Variants in LRRTM4 observed in about 807,000 individuals in gnomAD.
The protein encoded by LRRTM4 is leucine-rich repeat transmembrane neuronal protein 4.
Under a neutral mutation model 47.6 loss-of-function variants are expected in LRRTM4, and 25 were observed. That is an observed-to-expected ratio of 0.53 (90% CI 0.38 to 0.73). The LOEUF is 0.73. Among genes scored for constraint, LRRTM4 ranks in the 30% least tolerant of loss-of-function variants. The pLI is 0.00. For synonymous variants in LRRTM4, 311 were observed against 269.5 expected (o/e 1.15, Z -1.51); for missense variants, 638 against 713.4 (o/e 0.89, Z 1.20).
chr2:77,218,989 G>A (rs1241326294), intron 3 of LRRTM4, among the ~76,000 whole-genome samples: 4 of 152,234 alleles, frequency 2.6e-5, no homozygotes, highest in African/African-American at 9.6e-5. Flanking sequence ...GGCGCTGCCA[G>A]AGTACACTGG....
At chr2:77,048,439 T>A (rs1679305124) in intron 3 of LRRTM4, among the ~76,000 whole-genome samples, 1 of 152,080 alleles carries the variant, frequency 6.6e-6, no homozygotes, top group Non-Finnish European at 1.5e-5. Flanking sequence ...AAAGTCAATT[T>A]GTGTTACAGC....
At chr2:76,835,416 T>C (rs1671481564) in intron 3 of LRRTM4, among the ~76,000 whole-genome samples, 1 of 152,088 alleles carries the variant, frequency 6.6e-6, no homozygotes, top group Non-Finnish European at 1.5e-5. Context: ...AAATCAATGG[T>C]GAATAGTAAG....
Position 77,016,383 on chromosome 2 carries a change from T to TAAA in LRRTM4, c.1552-267470_1552-267468dup, listed in dbSNP as rs75200969. Among the ~76,000 whole-genome samples the TAAA allele has an allele frequency of 2.4e-3, 325 of 133,422 alleles. 3 individuals are homozygous for TAAA. Among genetic ancestry groups the TAAA allele is most frequent in the East Asian group, 0.016 (71 of 4,568 alleles). The allele number at this position is 133,422 out of a possible 152,430, so 87.5% of individuals were successfully genotyped here. Reference sequence around the variant, plus strand: ...CTGGCGACAGAGGGAGAACTCCATTTAAAAAAAAAAAAAAAAAGAGTGAGG... The same window carrying TAAA: ...CTGGCGACAGAGGGAGAACTCCATTTAAAAAAAAAAAAAAAAAAAAGAGTGAGG... On this transcript the variant is annotated intron_variant, in intron 3 of 3. Coordinates refer to ENST00000409884, the MANE Select transcript of LRRTM4 (RefSeq NM_001134745.3).
intron 3 of LRRTM4, among the ~76,000 whole-genome samples, chr2:77,317,783 A>G (rs1162075018): frequency 6.6e-6 from 1 of 152,048 alleles, no homozygotes; most frequent in East Asian, 1.9e-4. Context: ...TCTGTTCCCT[A>G]TATAGATAAA....
intron 3 of LRRTM4, among the ~76,000 whole-genome samples, chr2:77,346,030 GAATA>G (rs1671548606): frequency 6.6e-6 from 1 of 151,508 alleles, no homozygotes; most frequent in Admixed American, 6.6e-5. Context: ...ATAAAAAAAA[GAATA>G]AATAAACTAT....
At chr2:76,988,283 A>G (rs779563840) in intron 3 of LRRTM4, among the ~76,000 whole-genome samples, 1 of 151,872 alleles carries the variant, frequency 6.6e-6, no homozygotes, top group Admixed American at 6.6e-5. Flanking sequence ...AAGCACAAGG[A>G]AAGAAAAGAG....
At chr2:76,876,678 A>T (rs913421142) in intron 3 of LRRTM4, among the ~76,000 whole-genome samples, 1 of 152,024 alleles carries the variant, frequency 6.6e-6, no homozygotes, top group African/African-American at 2.4e-5. Context: ...TTCTTTATAA[A>T]TGACAGACAC....
intron 3 of LRRTM4, among the ~76,000 whole-genome samples, chr2:76,902,965 T>C (rs1269189711): frequency 6.6e-6 from 1 of 152,184 alleles, no homozygotes; most frequent in Non-Finnish European, 1.5e-5. Flanking sequence ...AACTAATAAA[T>C]TGGGTGGGTC....
chr2:76,807,446 A>ACC, intron 3 of LRRTM4, among the ~76,000 whole-genome samples: 1 of 82,362 alleles, frequency 1.2e-5, no homozygotes, highest in African/African-American at 7.3e-5. Flanking sequence ...ACGTATATAC[A>ACC]TATATATATA....
intron 2 of LRRTM4, 139 bp downstream of exon 2, chr2:77,521,529 T>C: frequency 1.1e-6 from 1 of 889,128 alleles, no homozygotes; most frequent in South Asian, 1.5e-5. Context: ...TAATAGCAAC[T>C]ATAGTGAATC....
At chr2:77,049,248 C>T (rs1237613515) in intron 3 of LRRTM4, among the ~76,000 whole-genome samples, 1 of 148,416 alleles carries the variant, frequency 6.7e-6, no homozygotes, top group Admixed American at 6.8e-5. Flanking sequence ...GTGAATAATG[C>T]TACAATAAAC....
chr2:77,436,939 A>T (rs1675624589), intron 3 of LRRTM4, among the ~76,000 whole-genome samples: 1 of 151,876 alleles, frequency 6.6e-6, no homozygotes, highest in African/African-American at 2.4e-5. Context: ...TTATCACCCA[A>T]ACATCCACAT....
intron 3 of LRRTM4, among the ~76,000 whole-genome samples, chr2:77,416,496 T>C (rs940887538): frequency 6.6e-6 from 1 of 152,140 alleles, no homozygotes; most frequent in African/African-American, 2.4e-5. Flanking sequence ...GAACATATGC[T>C]ACTATTAGAA....
intron 3 of LRRTM4, among the ~76,000 whole-genome samples, chr2:77,075,697 C>T (rs1389218165): frequency 6.6e-6 from 1 of 151,240 alleles, no homozygotes; most frequent in Non-Finnish European, 1.5e-5. Flanking sequence ...GGGCAGATCA[C>T]GAGGTCAGGA....
chr2:76,959,587 G>A (rs951085351), intron 3 of LRRTM4, among the ~76,000 whole-genome samples: 1 of 151,686 alleles, frequency 6.6e-6, no homozygotes, highest in Non-Finnish European at 1.5e-5. Flanking sequence ...GGATAAAGTA[G>A]AAGGCAGTAT....
intron 3 of LRRTM4, among the ~76,000 whole-genome samples, chr2:77,398,729 A>G (rs746638201): frequency 6.6e-6 from 1 of 151,844 alleles, no homozygotes; most frequent in Non-Finnish European, 1.5e-5. Context: ...ATGACCCCGT[A>G]TGGCAGATGT....
chr2:77,134,842 A>G (rs1203826292), intron 3 of LRRTM4, among the ~76,000 whole-genome samples: 5 of 152,204 alleles, frequency 3.3e-5, no homozygotes, highest in African/African-American at 9.6e-5. Context: ...TTAAAAAGAC[A>G]TAAATAAATC....
intron 3 of LRRTM4, among the ~76,000 whole-genome samples, chr2:76,924,016 T>C (rs1301045450): frequency 6.6e-6 from 1 of 152,098 alleles, no homozygotes; most frequent in African/African-American, 2.4e-5. Context: ...CATTTAGGTT[T>C]CTTTCTTGAG....
At chr2:77,245,053 A>T (rs13419256) in intron 3 of LRRTM4, among the ~76,000 whole-genome samples, 75,435 of 151,900 alleles carry the variant, frequency 0.5, 19,120 homozygotes, top group Admixed American at 0.56. Context: ...TTATGGTTTT[A>T]TAAACCACTA....
Sources: allele counts gnomAD v4.1 joint callset (sites outside exome capture counted in the v4.1 genomes callset), GRCh38; gene constraint gnomAD v4.1.1; transcripts MANE v1.5; gene names NCBI Gene and HGNC (gene_info 2026-07-23, HGNC 2026-07-21).